Variants in BCAS3 observed in about 807,000 individuals in gnomAD.
BCAS3 encodes BCAS4/BCAS3 fusion.
A neutral mutation model predicts 116.1 loss-of-function variants in BCAS3; 53 were observed. The ratio of observed to expected loss-of-function variants is 0.46; its 90% CI spans 0.37 to 0.57. BCAS3 has a LOEUF of 0.57. Ranked by LOEUF, BCAS3 falls within the 20% of genes least tolerant of loss-of-function variation. BCAS3 has a pLI of 0.00. For missense variants in BCAS3, 917 were observed against 1,165.4 expected, an observed-to-expected ratio of 0.79 and a Z score of 3.10; for synonymous variants, 391 against 408.2, an observed-to-expected ratio of 0.96 and a Z score of 0.51.
chr17:60,743,622 C>T (rs1277370377), intron 5 of BCAS3, among the ~76,000 whole-genome samples: 1 of 151,672 alleles, frequency 6.6e-6, no homozygotes, highest in Middle Eastern at 3.2e-3. Flanking sequence ...CATTATAAAG[C>T]AGTATTTTTA....
At chr17:60,952,736 A>G (rs1314607006) in intron 14 of BCAS3, among the ~76,000 whole-genome samples, 1 of 152,094 alleles carries the variant, frequency 6.6e-6, no homozygotes, top group Non-Finnish European at 1.5e-5. Context: ...CCTAGTACTC[A>G]GTAGTTATTT....
chr17:60,822,120 C>T (rs1041582961), intron 7 of BCAS3, among the ~76,000 whole-genome samples: 1 of 152,090 alleles, frequency 6.6e-6, no homozygotes, highest in Non-Finnish European at 1.5e-5. Flanking sequence ...TTCTCTTGAC[C>T]AGATACCTAC....
chr17:60,740,498 C>CAAAAAAAAA (rs774901641), intron 5 of BCAS3, among the ~76,000 whole-genome samples: 1 of 58,354 alleles, frequency 1.7e-5, no homozygotes, highest in Non-Finnish European at 3.9e-5. Flanking sequence ...GACCCTGTCT[C>CAAAAAAAAA]AAAAAAAAAA....
In BCAS3 at chr17:61,388,357, C is replaced by G; in HGVS notation, c.2594-3620C>G. Reference sequence around the variant, plus strand: ...ACTGTTCTTCATGTTGAACCTGTGACTCCTCTCCCCCTCCCCCACTCTGAA... The same window carrying G: ...ACTGTTCTTCATGTTGAACCTGTGAGTCCTCTCCCCCTCCCCCACTCTGAA... On this transcript the variant is annotated intron_variant, in intron 23 of 23. Coordinates refer to ENST00000407086, the MANE Select transcript of BCAS3 (RefSeq NM_017679.5). The surrounding 1 kb of genome is among the most constrained non-coding windows in gnomAD (Gnocchi z 6.5). The G allele has an allele frequency of 2.3e-6, 1 of 435,938 alleles. No homozygotes were observed. Among genetic ancestry groups the G allele is most frequent in the East Asian group, 4.2e-5 (1 of 23,754 alleles). 27.0% of individuals were successfully genotyped at this position (435,938 alleles called of 1,614,324 possible). A position where few individuals can be genotyped will look rare whatever the true frequency, so the allele number is the denominator to read the frequency against.
chr17:61,233,959 T>C lies in BCAS3; in HGVS notation c.2426-134368T>C, dbSNP rs1308531857. Among the ~76,000 whole-genome samples, 2 of 151,914 alleles carry C rather than the reference T, an allele frequency of 1.3e-5. No individual in the cohort carries two copies. Among genetic ancestry groups the C allele is most frequent in the African/African-American group, 4.8e-5 (2 of 41,358 alleles). ...ATTATTCTAATTAATGTGAATTGAGTATTACTAATATCAGGTTTGGTTTTT... is the reference window on the plus strand; with the variant it reads ...ATTATTCTAATTAATGTGAATTGAGCATTACTAATATCAGGTTTGGTTTTT... On this transcript the variant is annotated intron_variant, in intron 22 of 23. Coordinates refer to ENST00000407086, the MANE Select transcript of BCAS3 (RefSeq NM_017679.5). The surrounding 1 kb of genome is among the most constrained non-coding windows in gnomAD (Gnocchi z 4.3).
At chr17:61,290,275 A>G (rs1019338055) in intron 22 of BCAS3, among the ~76,000 whole-genome samples, 4 of 152,178 alleles carry the variant, frequency 2.6e-5, no homozygotes, top group Non-Finnish European at 4.4e-5. Context: ...TCTCAAACTA[A>G]GAAGTTGGTA....
At chr17:60,927,029 C>G (rs117324908) in intron 13 of BCAS3, among the ~76,000 whole-genome samples, 1 of 152,044 alleles carries the variant, frequency 6.6e-6, no homozygotes, top group Non-Finnish European at 1.5e-5. Flanking sequence ...TTATCTGTTC[C>G]TCCTACAAAG....
chr17:60,804,604 G>A (rs540675658), intron 6 of BCAS3, among the ~76,000 whole-genome samples: 49 of 151,962 alleles, frequency 3.2e-4, no homozygotes, highest in Non-Finnish European at 5.6e-4. Flanking sequence ...AGTGTAATTC[G>A]TTGTGTTGTT....
At position 61,281,693 on chromosome 17, in the gene BCAS3, G is replaced by A. The variant is rs1447951325; in HGVS notation, c.2426-86634G>A. Among the ~76,000 whole-genome samples, 3 of 151,968 alleles carry A rather than the reference G, an allele frequency of 2.0e-5. No homozygotes were observed. The highest frequency in any genetic ancestry group is 6.6e-5 in the Admixed American group (1 of 15,260). On this transcript the variant is annotated intron_variant, in intron 22 of 23. Coordinates refer to ENST00000407086, the MANE Select transcript of BCAS3 (RefSeq NM_017679.5). This position sits in a 1 kb window ranked among gnomAD's most constrained non-coding sequence, Gnocchi z 4.2. ...ATCTTATTCATATTGATTTGGAGGA[G>A]CTTTCTATATACTAAGCAAATTAGC...
chr17:60,877,191 T>C lies in BCAS3; in HGVS notation c.661+2453T>C, dbSNP rs73991318. Among the ~76,000 whole-genome samples the C allele has an allele frequency of 2.6e-3, 372 of 141,318 alleles. 2 individuals carry two copies. The highest frequency in any genetic ancestry group is 9.0e-3 in the South Asian group (43 of 4,764). 92.7% of individuals were successfully genotyped at this position (141,318 alleles called of 152,430 possible). A position where few individuals can be genotyped will look rare whatever the true frequency, so the allele number is the denominator to read the frequency against. On this transcript the variant is annotated intron_variant, in intron 9 of 23. Coordinates refer to ENST00000407086, the MANE Select transcript of BCAS3 (RefSeq NM_017679.5). ...AAGAAATGATATATATATATATATA[T>C]ACACACACATATATACATATATATG...
At chr17:60,911,119 C>CTTTTTT (rs1567849303) in intron 12 of BCAS3, among the ~76,000 whole-genome samples, 25 of 35,268 alleles carry the variant, frequency 7.1e-4, no homozygotes, top group African/African-American at 2.1e-3. Context: ...TTCTTTTTTT[C>CTTTTTT]TTTCTTTTTT....
Position 61,356,756 on chromosome 17 carries a change from G to A in BCAS3, c.2426-11571G>A, listed in dbSNP as rs933929585. 6.6e-6 allele frequency: 1 copy of A among 152,230 alleles called. No homozygotes were observed. The highest frequency in any genetic ancestry group is 2.4e-5 in the African/African-American group (1 of 41,466). 9.4% of individuals were successfully genotyped at this position (152,230 alleles called of 1,614,324 possible). ...CTTTCTGATCTGATGTATGAAATTT[G>A]TACAGAGGTGGAATCGTTTCTGCCA... On this transcript the variant is annotated intron_variant, in intron 22 of 23. Transcript: ENST00000407086. The surrounding 1 kb of genome is among the most constrained non-coding windows in gnomAD (Gnocchi z 5.4).
rs557470122 is a variant in BCAS3 at position 61,088,121 on chromosome 17, G to T, written c.2425+3557G>T. 6.6e-6 allele frequency among the ~76,000 whole-genome samples: 1 copy of T among 152,228 alleles called. No homozygotes were observed. Among genetic ancestry groups the T allele is most frequent in the South Asian group, 2.1e-4 (1 of 4,824 alleles). On this transcript the variant is annotated intron_variant, in intron 22 of 23. Coordinates refer to ENST00000407086, the MANE Select transcript of BCAS3 (RefSeq NM_017679.5). The surrounding 1 kb of genome is among the most constrained non-coding windows in gnomAD (Gnocchi z 4.2). ...TGCTTGAACCCGGGAGGCAGAGGTT[G>T]CAGTGAGCTGAGATTGCACCAGTGC...
rs555128467 is a variant in BCAS3, at chr17:61,265,281, G to A, written c.2426-103046G>A. Among the ~76,000 whole-genome samples, 6 of 152,048 alleles carry A rather than the reference G, an allele frequency of 3.9e-5. No homozygotes were observed. Among genetic ancestry groups the A allele is most frequent in the Non-Finnish European group, 5.9e-5 (4 of 68,010 alleles). On this transcript the variant is annotated intron_variant, in intron 22 of 23. Coordinates refer to ENST00000407086, the MANE Select transcript of BCAS3 (RefSeq NM_017679.5). This position sits in a 1 kb window ranked among gnomAD's most constrained non-coding sequence, Gnocchi z 4.3. ...ATACAAAATTAGCCGGCATGGTGGC[G>A]CATGCCTGTAATCCCGGGAGGTTGA... is the stretch of plus-strand genomic sequence containing the variant.
Position 60,995,301 on chromosome 17 carries a change from C to T in BCAS3, c.1486+5066C>T, listed in dbSNP as rs948207124. ...CCAAGTAGCTGGGATTACAGGTGCC[C>T]GCCACCATGCCTGGCTAATTTTTGT... On this transcript the variant is annotated intron_variant, in intron 15 of 23. Coordinates refer to ENST00000407086, the MANE Select transcript of BCAS3 (RefSeq NM_017679.5). This position sits in a 1 kb window ranked among gnomAD's most constrained non-coding sequence, Gnocchi z 4.7. 2.0e-5 allele frequency among the ~76,000 whole-genome samples: 3 copies of T among 151,730 alleles called. No homozygotes were observed. Among genetic ancestry groups the T allele is most frequent in the Non-Finnish European group, 4.4e-5 (3 of 67,906 alleles).
intron 22 of BCAS3, among the ~76,000 whole-genome samples, chr17:61,342,072 G>A (rs1270682340): frequency 4.0e-5 from 6 of 151,608 alleles, no homozygotes; most frequent in African/African-American, 7.3e-5. Flanking sequence ...GTGTGATCTC[G>A]GCTCACTGCA....
intron 6 of BCAS3, among the ~76,000 whole-genome samples, chr17:60,761,082 C>T (rs951363758): frequency 1.3e-5 from 2 of 151,872 alleles, no homozygotes; most frequent in Non-Finnish European, 2.9e-5. Flanking sequence ...AAATACTTAT[C>T]TCTTTTGTAA....
chr17:60,809,768 G>C (rs73318610), intron 7 of BCAS3, among the ~76,000 whole-genome samples: 6,290 of 152,260 alleles, frequency 0.041, 468 homozygotes, highest in African/African-American at 0.14. Flanking sequence ...AGAAAAATCT[G>C]AATAGATGTG....
chr17:61,375,490 A>C (rs1167057149), intron 23 of BCAS3, among the ~76,000 whole-genome samples: 4 of 152,060 alleles, frequency 2.6e-5, no homozygotes, highest in African/African-American at 9.7e-5. Context: ...AATAGGGATC[A>C]TATTAGCCCC....
Sources: allele counts gnomAD v4.1 joint callset (sites outside exome capture counted in the v4.1 genomes callset), GRCh38; gene constraint gnomAD v4.1.1; non-coding constraint Gnocchi (gnomAD v3.1); transcripts MANE v1.5; gene names NCBI Gene and HGNC (gene_info 2026-07-23, HGNC 2026-07-21).